PCGF6: variants seen among roughly 807,000 people sequenced by gnomAD.
PCGF6 encodes polycomb group ring finger 6.
Under a neutral mutation model 45.5 loss-of-function variants are expected in PCGF6, and 24 were observed. That is an observed-to-expected ratio of 0.53 (90% confidence interval 0.38 to 0.74). PCGF6 has a LOEUF of 0.74. PCGF6 is among the 30% of genes least tolerant of loss of function. The pLI, the probability that PCGF6 is intolerant of heterozygous loss-of-function variation, is 0.00. For synonymous variants in PCGF6, 152 were observed against 162.1 expected (o/e 0.94, Z 0.47); for missense variants, 356 against 443.2 (o/e 0.80, Z 1.77).
At chr10:103,342,264 G>A (rs1325846239) in intron 6 of PCGF6, among the ~76,000 whole-genome samples, 2 of 134,026 alleles carry the variant, frequency 1.5e-5, no homozygotes, top group South Asian at 2.4e-4. Flanking sequence ...ACAGAGTTTC[G>A]CTCTCATTGC....
intron 6 of PCGF6, among the ~76,000 whole-genome samples, chr10:103,338,725 G>A (rs529040602): frequency 6.6e-6 from 1 of 151,948 alleles, no homozygotes; most frequent in African/African-American, 2.4e-5. Context: ...AAACTTAACC[G>A]GGCATGGTGG....
At chr10:103,348,354 T>C (rs1295264005) in intron 3 of PCGF6, 1 of 149,602 alleles carries the variant, frequency 6.7e-6, no homozygotes, top group Admixed American at 6.8e-5. Flanking sequence ...TTTTTTTTTT[T>C]GAGATACTCT....
chr10:103,328,175 GAACTA>G (rs1422600533), intron 7 of PCGF6, among the ~76,000 whole-genome samples: 10 of 152,082 alleles, frequency 6.6e-5, no homozygotes, highest in African/African-American at 2.4e-4. Flanking sequence ...GAAGTAATCA[GAACTA>G]AACAGTCCCT....
chr10:103,350,785 T>G lies in PCGF6; in HGVS notation c.282A>C (p.Glu94Asp). The change falls in exon 1 of 10, where the codon GAA (glutamate) becomes GAC (aspartate). Residue 94 changes from glutamate (E) to aspartate (D), a missense_variant. This residue lies in a region of PCGF6 where 307 missense variants were observed against 350.1 expected (regional missense o/e 0.88). Transcript: ENST00000369847. ...LEEEEELEEE[E>D]EEEEEDMSHF... The stretch of plus-strand genomic sequence containing the variant: ...GACTCATGTCCTCCTCCTCCTCCTC[T>G]TCTTCCTCCTCCAGCTCCTCTTCTT... 6.4e-7 allele frequency: 1 copy of G among 1,561,302 alleles called. No individual in the cohort carries two copies.
chr10:103,348,012 C>T (rs1020842018), intron 3 of PCGF6, among the ~76,000 whole-genome samples: 2 of 151,704 alleles, frequency 1.3e-5, no homozygotes, highest in African/African-American at 4.8e-5. Flanking sequence ...TTTTCCCTCT[C>T]TTAAGAAACT....
At chr10:103,310,124 G>A (rs2093151815) in intron 9 of PCGF6, among the ~76,000 whole-genome samples, 1 of 151,680 alleles carries the variant, frequency 6.6e-6, no homozygotes, top group South Asian at 2.1e-4. Context: ...CTAATTTTTT[G>A]TATTTTTAGT....
In PCGF6 at chr10:103,314,240, C is replaced by T. The variant is rs2093167033; in HGVS notation, c.942G>A (p.Glu314=). The T allele has an allele frequency of 6.2e-7, 1 of 1,602,324 alleles. No individual in the cohort carries two copies. ...GGATTTCCCTTAGAGTTTGATACTG[C>T]TCCAACAGGTGATCACCACAGATTA... ...VDIICGDHLL[E]QYQTLREIRR... Residue 314 remains glutamate (E), a synonymous_variant, in exon 9 of 10, where the codon GAG becomes GAA. Coordinates refer to ENST00000369847, the MANE Select transcript of PCGF6 (RefSeq NM_001011663.2).
At chr10:103,329,769 G>T (rs563111062) in intron 7 of PCGF6, among the ~76,000 whole-genome samples, 6 of 151,562 alleles carry the variant, frequency 4.0e-5, no homozygotes, top group South Asian at 2.1e-4. Context: ...CACCGTGCCC[G>T]GCCAGTTTTT....
At chr10:103,331,493 G>A (rs933434710) in intron 7 of PCGF6, among the ~76,000 whole-genome samples, 1 of 152,118 alleles carries the variant, frequency 6.6e-6, no homozygotes, top group African/African-American at 2.4e-5. Flanking sequence ...CCTGAACTCA[G>A]GAGATCCACC....
intron 9 of PCGF6, among the ~76,000 whole-genome samples, chr10:103,310,117 AT>A (rs1324282391): frequency 1.5e-4 from 23 of 151,716 alleles, no homozygotes; most frequent in African/African-American, 5.6e-4. Flanking sequence ...TGCCCGGCTA[AT>A]TTTTTGTATT....
At chr10:103,325,666 T>A in intron 8 of PCGF6, among the ~76,000 whole-genome samples, 1 of 152,114 alleles carries the variant, frequency 6.6e-6, no homozygotes, top group East Asian at 1.9e-4. Flanking sequence ...TGAGGCCTCT[T>A]TAATATTTCT....
At chr10:103,322,838 A>C (rs1297220145) in intron 8 of PCGF6, among the ~76,000 whole-genome samples, 2 of 151,414 alleles carry the variant, frequency 1.3e-5, no homozygotes, top group African/African-American at 2.4e-5. Flanking sequence ...ACACACACAA[A>C]AAGTCCAGCC....
In PCGF6 at chr10:103,348,823, A is replaced by T; in HGVS notation, c.461-11T>A. 1.9e-6 allele frequency: 3 copies of T among 1,606,312 alleles called. No individual in the cohort carries two copies. The highest frequency in any genetic ancestry group is 2.6e-6 in the Non-Finnish European group (3 of 1,176,214). ...TGCAGCTTTTACAAACTGTTGAAAAAGAATGTTGAAGTCAGGATGCTTTCA... is the reference window on the plus strand; with the variant it reads ...TGCAGCTTTTACAAACTGTTGAAAATGAATGTTGAAGTCAGGATGCTTTCA... On this transcript the variant is annotated splice_polypyrimidine_tract_variant and intron_variant, in intron 2 of 9. Coordinates refer to ENST00000369847, the MANE Select transcript of PCGF6 (RefSeq NM_001011663.2).
chr10:103,305,703 A>G (rs2093135886), intron 9 of PCGF6, among the ~76,000 whole-genome samples: 1 of 152,142 alleles, frequency 6.6e-6, no homozygotes, highest in Non-Finnish European at 1.5e-5. Context: ...GCTCTGAAAC[A>G]CTTACTCATT....
chr10:103,316,349 T>C (rs1027668069), intron 8 of PCGF6, among the ~76,000 whole-genome samples: 5 of 152,150 alleles, frequency 3.3e-5, no homozygotes, highest in Non-Finnish European at 7.4e-5. Context: ...CTCTAAAAAC[T>C]TTTAGCATGG....
intron 6 of PCGF6, among the ~76,000 whole-genome samples, chr10:103,339,806 AAAAAACACACACACACACACACACAC>A (rs1280173834): frequency 1.7e-4 from 12 of 71,168 alleles, no homozygotes; most frequent in Non-Finnish European, 3.1e-4. Context: ...TGTCTCAAAA[AAAAAACACACACACACACACACACAC>A]ACACACACAC....
intron 7 of PCGF6, among the ~76,000 whole-genome samples, chr10:103,329,081 C>T (rs1486222617): frequency 6.7e-6 from 1 of 148,616 alleles, no homozygotes; most frequent in South Asian, 2.1e-4. Flanking sequence ...GCTCTGTCAC[C>T]CAGGCTGGAG....
At chr10:103,309,143 G>A (rs2093147796) in intron 9 of PCGF6, among the ~76,000 whole-genome samples, 2 of 151,740 alleles carry the variant, frequency 1.3e-5, no homozygotes, top group Admixed American at 6.6e-5. Flanking sequence ...AGACTTTGGG[G>A]GACTATTGGG....
At chr10:103,311,457 T>C (rs2093157060) in intron 9 of PCGF6, among the ~76,000 whole-genome samples, 1 of 151,174 alleles carries the variant, frequency 6.6e-6, no homozygotes, top group Non-Finnish European at 1.5e-5. Context: ...CTTTTTTTTT[T>C]TTTTTGAGAC....
Sources: gnomAD v4.1 joint callset for allele counts (sites outside exome capture counted in the v4.1 genomes callset) on GRCh38, gnomAD v4.1.1 for gene constraint, gnomAD v4.1.1 regional missense constraint, MANE v1.5 for transcripts, NCBI Gene and HGNC (gene_info 2026-07-23, HGNC 2026-07-21) for gene names.